The following LRRC71 variants were observed in gnomAD, a reference collection of about 807,000 sequenced individuals.
LRRC71 encodes leucine-rich repeat-containing protein 71.
A neutral mutation model predicts 66.6 loss-of-function variants in LRRC71; 54 were observed. That is an observed-to-expected ratio of 0.81 (90% CI 0.65 to 1.02). The LOEUF (loss-of-function observed/expected upper bound fraction) is 1.02, where lower values mean the gene tolerates loss of function less well. Ranked by LOEUF, LRRC71 falls within the 50% of genes least tolerant of loss-of-function variation. The probability of loss-of-function intolerance (pLI) is 0.00; values close to 1 mark genes in which losing one functional copy is unlikely to be tolerated. For synonymous variants in LRRC71, 323 were observed against 303.9 expected (o/e 1.06, Z -0.65); for missense variants, 724 against 718.0 (o/e 1.01, Z -0.10).
At chr1:156,926,481 T>C (rs1441197410) in intron 5 of LRRC71, among the ~76,000 whole-genome samples, 5 of 152,148 alleles carry the variant, frequency 3.3e-5, no homozygotes, top group Non-Finnish European at 7.4e-5. Context: ...AGCCACCGCC[T>C]TTGTAGCCTA....
In LRRC71 at chr1:156,924,564, T is replaced by TA; in HGVS notation, c.439+12_439+13insA. ...AATCTACATCCGCGGTGAGCCCCGC[T>TA]CCCCCCACCCGCCCCAGCTCCCTCC... On this transcript the variant is annotated intron_variant, in intron 3 of 14. Transcript: ENST00000337428. The TA allele has an allele frequency of 5.9e-6, 9 of 1,531,402 alleles. No individual in the cohort carries two copies. Among genetic ancestry groups the TA allele is most frequent in the Non-Finnish European group, 7.1e-6 (8 of 1,131,588 alleles). 94.9% of individuals were successfully genotyped at this position (1,531,402 alleles called of 1,614,324 possible).
chr1:156,934,763 C>G (rs897220020), downstream of LRRC71: 8 of 151,460 alleles, frequency 5.3e-5, no homozygotes, highest in Non-Finnish European at 1.0e-4. Context: ...TCCCACTATC[C>G]AATCCTAACC....
downstream of LRRC71, among the ~76,000 whole-genome samples, chr1:156,938,031 A>C (rs1029413423): frequency 6.6e-6 from 1 of 152,186 alleles, no homozygotes; most frequent in Non-Finnish European, 1.5e-5. Flanking sequence ...ACCACCGCGG[A>C]ATCTGGGAGG....
chr1:156,936,882 G>C (rs371571688), downstream of LRRC71: 13 of 1,614,052 alleles, frequency 8.1e-6, no homozygotes, highest in Non-Finnish European at 1.1e-5. Flanking sequence ...TCCTTAGCGG[G>C]AGGTGAGAGG....
In LRRC71 at chr1:156,932,493, A is replaced by AG; in HGVS notation, c.1513dup (p.Ala505GlyfsTer18). 6.2e-7 allele frequency: 1 copy of AG among 1,613,926 alleles called. No homozygotes were observed. The highest frequency in any genetic ancestry group is 8.5e-7 in the Non-Finnish European group (1 of 1,179,852). Reference sequence around the variant, plus strand: ...GTGCAGTATCAGATGCAGTTCTCCAAGGCCAAGAGTGCATCCAAGGGTCCA... The same window carrying AG: ...GTGCAGTATCAGATGCAGTTCTCCAAGGGCCAAGAGTGCATCCAAGGGTCCA... On this transcript the variant is annotated frameshift_variant, in exon 14 of 15. Transcript: ENST00000337428. LOFTEE classifies it high-confidence loss of function.
chr1:156,929,433 G>A lies in LRRC71; in HGVS notation c.1146+4G>A. 1 of 1,613,858 alleles carries A rather than the reference G, an allele frequency of 6.2e-7. No homozygotes were observed. Among genetic ancestry groups the A allele is most frequent in the Non-Finnish European group, 8.5e-7 (1 of 1,179,862 alleles). ...CAAGAAAAAGGAGAAATCATGGGTA[G>A]GTGTGCAATGGGACAGATCCTGGGT... On this transcript the variant is annotated splice_donor_region_variant and intron_variant, in intron 10 of 14. Coordinates refer to ENST00000337428, the MANE Select transcript of LRRC71 (RefSeq NM_144702.3).
At chr1:156,936,706 G>A, downstream of LRRC71, 2 of 1,289,514 alleles carry the variant, frequency 1.6e-6, no homozygotes, top group Non-Finnish European at 2.1e-6. Context: ...TTCACTCAAG[G>A]GGAAACCACT....
chr1:156,928,804 CA>C (rs1653825517), intron 9 of LRRC71, among the ~76,000 whole-genome samples: 1 of 151,996 alleles, frequency 6.6e-6, no homozygotes, highest in South Asian at 2.1e-4. Flanking sequence ...CTCCTGGTCT[CA>C]AATGATCCGC....
chr1:156,930,060 T>TTCTTTCTTTTTCTTTTCTTTTTCTTTC (rs746194831), intron 11 of LRRC71, among the ~76,000 whole-genome samples: 4 of 126,182 alleles, frequency 3.2e-5, no homozygotes, highest in Non-Finnish European at 6.3e-5. Flanking sequence ...CTTTCTTTCT[T>TTCTTTCTTTTTCTTTTCTTTTTCTTTC]TTTCTTTCTT....
chr1:156,927,118 C>A, intron 5 of LRRC71, 84 bp from the exon 6 acceptor site: 1 of 1,237,286 alleles, frequency 8.1e-7, no homozygotes, highest in Admixed American at 2.1e-5. Flanking sequence ...AGCTGCTTCC[C>A]AGAGACGCAC....
chr1:156,935,848 CGG>C (rs1460018075), downstream of LRRC71: 7 of 826,662 alleles, frequency 8.5e-6, no homozygotes, highest in Non-Finnish European at 1.3e-5. Context: ...AAGCAACATG[CGG>C]GTCTCCCCCC....
chr1:156,924,743 G>A lies in LRRC71; in HGVS notation c.515+25G>A, dbSNP rs562271327. The A allele has an allele frequency of 1.1e-3, 1,634 of 1,550,746 alleles. 2 individuals are homozygous for A. Among genetic ancestry groups the A allele is most frequent in the Non-Finnish European group, 1.3e-3 (1,434 of 1,146,148 alleles). On this transcript the variant is annotated intron_variant, in intron 4 of 14. Coordinates refer to ENST00000337428, the MANE Select transcript of LRRC71 (RefSeq NM_144702.3). Reference sequence around the variant, plus strand: ...AGTGAGAGGCACTGAGGGGATGGGCGGGGGACCAGAGTGGGAGTTGGGGCT... The same window carrying A: ...AGTGAGAGGCACTGAGGGGATGGGCAGGGGACCAGAGTGGGAGTTGGGGCT...
chr1:156,927,444 GGAC>G (rs2101621369), intron 6 of LRRC71, 49 bp from the exon 7 acceptor site: 1 of 1,520,514 alleles, frequency 6.6e-7, no homozygotes, highest in East Asian at 2.3e-5. Context: ...ATATTCCGGC[GGAC>G]GCCCTGTACC....
At chr1:156,922,621 C>G (rs1474622652) in intron 1 of LRRC71, among the ~76,000 whole-genome samples, 1 of 152,132 alleles carries the variant, frequency 6.6e-6, no homozygotes, top group African/African-American at 2.4e-5. Flanking sequence ...GTGCAGAGAG[C>G]CCATTTCCAT....
At chr1:156,928,563 C>CTTTTTTT (rs58180096) in intron 9 of LRRC71, among the ~76,000 whole-genome samples, 6 of 80,218 alleles carry the variant, frequency 7.5e-5, no homozygotes, top group Non-Finnish European at 1.1e-4. Context: ...CTTCTTCTTA[C>CTTTTTTT]TTTTTTTTTT....
rs906686325 is a variant in LRRC71 at position 156,924,015 on chromosome 1, C to T, written c.227C>T (p.Thr76Met). 54 of 1,547,836 alleles carry T rather than the reference C, an allele frequency of 3.5e-5. No individual in the cohort carries two copies. Among genetic ancestry groups the T allele is most frequent in the Non-Finnish European group, 4.5e-5 (51 of 1,145,834 alleles). Residue 76 changes from threonine (T) to methionine (M), a missense_variant, in exon 2 of 15, where the codon ACG becomes ATG. Physicochemically the swap from Thr to Met is moderately conservative, Grantham distance 81 (BLOSUM62 -1). Coordinates refer to ENST00000337428, the MANE Select transcript of LRRC71 (RefSeq NM_144702.3). ...GAGCTCTGCACGCGGTGGGGCTACA[C>T]GGACTTCCCCAAAGTTGTCAACCGG... is the stretch of plus-strand genomic sequence containing the variant. ...FAELCTRWGY[T>M]DFPKVVNRPR... is the part of the protein sequence containing the mutation.
rs750687746 is a variant in LRRC71 at position 156,932,488 on chromosome 1, C to T, written c.1506C>T (p.Phe502=). ...CCACGGTGCAGTATCAGATGCAGTT[C>T]TCCAAGGCCAAGAGTGCATCCAAGG... The part of the protein sequence containing the change: ...FLATVQYQMQ[F]SKAKSASKGP... The change falls in exon 14 of 15, where the codon TTC becomes TTT. Residue 502 remains phenylalanine (F), a synonymous_variant. Coordinates refer to ENST00000337428, the MANE Select transcript of LRRC71 (RefSeq NM_144702.3). The T allele has an allele frequency of 2.3e-5, 37 of 1,613,808 alleles. No individual in the cohort carries two copies. The highest frequency in any genetic ancestry group is 9.3e-5 in the African/African-American group (7 of 74,890).
Position 156,920,691 on chromosome 1 carries a change from G to A in LRRC71, c.-113G>A. On this transcript the variant is annotated 5_prime_UTR_variant, in exon 1 of 15. Transcript: ENST00000337428. This position sits in a 1 kb window ranked among gnomAD's most constrained non-coding sequence, Gnocchi z 4.9. Reference sequence around the variant, plus strand: ...CGCGGACGGGTCGGATCCGGTCCCTGGACGCGGAACAGAGATCCCCTGATT... The same window carrying A: ...CGCGGACGGGTCGGATCCGGTCCCTAGACGCGGAACAGAGATCCCCTGATT... 7.9e-7 allele frequency: 1 copy of A among 1,270,126 alleles called. No homozygotes were observed. The highest frequency in any genetic ancestry group is 1.0e-6 in the Non-Finnish European group (1 of 984,420). 78.7% of individuals were successfully genotyped at this position (1,270,126 alleles called of 1,614,324 possible). A position where few individuals can be genotyped will look rare whatever the true frequency, so the allele number is the denominator to read the frequency against.
downstream of LRRC71, chr1:156,936,262 G>A (rs776166581): frequency 1.3e-6 from 1 of 754,174 alleles, no homozygotes; most frequent in Non-Finnish European, 2.5e-6. Flanking sequence ...GGTCAGGTAG[G>A]TATGTGCCTT....
Sources: gnomAD v4.1 joint callset for allele counts (sites outside exome capture counted in the v4.1 genomes callset) on GRCh38, gnomAD v4.1.1 for gene constraint, Gnocchi (gnomAD v3.1) non-coding constraint, MANE v1.5 for transcripts, NCBI Gene and HGNC (gene_info 2026-07-23, HGNC 2026-07-21) for gene names.